Variants in MIIP observed in about 807,000 individuals in gnomAD.
The protein encoded by MIIP is migration and invasion-inhibitory protein.
Under a neutral mutation model 44.8 loss-of-function variants are expected in MIIP, and 44 were observed. The observed-to-expected ratio is 0.98, with a 90% CI of 0.77 to 1.26. The LOEUF (loss-of-function observed/expected upper bound fraction) is 1.26. Ranked by LOEUF, MIIP falls within the 50% of genes most tolerant of loss-of-function variation. The pLI is 0.00. For synonymous variants in MIIP, 225 were observed against 218.3 expected, an observed-to-expected ratio of 1.03 and a Z score of -0.27; for missense variants, 496 against 511.7, an observed-to-expected ratio of 0.97 and a Z score of 0.30.
intron 8 of MIIP, 64 bp from the exon 9 acceptor site, chr1:12,031,202 G>C: frequency 6.4e-7 from 1 of 1,551,904 alleles, no homozygotes; most frequent in African/African-American, 1.4e-5. Flanking sequence ...CCCTGATGGG[G>C]GTGTGCCCAG....
At chr1:12,021,126 A>G (rs897300350) in intron 1 of MIIP, among the ~76,000 whole-genome samples, 23 of 152,116 alleles carry the variant, frequency 1.5e-4, no homozygotes, top group African/African-American at 5.3e-4. Context: ...CAGGCACTGT[A>G]GCTCATGCCT....
chr1:12,030,556 C>CTTTTT (rs71568383), intron 8 of MIIP, among the ~76,000 whole-genome samples: 7 of 59,074 alleles, frequency 1.2e-4, no homozygotes, highest in East Asian at 5.3e-4. Context: ...GCTGCTGCTG[C>CTTTTT]TTTTTTTTTT....
chr1:12,022,845 TTC>T lies in MIIP; in HGVS notation c.479_480del (p.Ser160Ter). On this transcript the variant is annotated frameshift_variant, in exon 4 of 10. Coordinates refer to ENST00000235332, the MANE Select transcript of MIIP (RefSeq NM_021933.4). LOFTEE classifies it high-confidence loss of function. ...CTTCCTTCCTCAGCCCAGGGTGACC[TTC>T]TCTGAGGAGTCTGCAGTTCCTAAGA... ...QSKLSKPRVT[F>X]SEESAVPKRS... 6.2e-7 allele frequency: 1 copy of T among 1,605,634 alleles called. No individual in the cohort carries two copies. Among genetic ancestry groups the T allele is most frequent in the Non-Finnish European group, 8.5e-7 (1 of 1,175,618 alleles).
intron 4 of MIIP, among the ~76,000 whole-genome samples, chr1:12,028,369 C>T (rs1317669787): frequency 1.3e-5 from 2 of 152,206 alleles, no homozygotes; most frequent in Non-Finnish European, 2.9e-5. Flanking sequence ...TTGTGTCCCT[C>T]CCATTCCCCA....
In MIIP at chr1:12,029,564, G is replaced by A. The variant is rs2295286; in HGVS notation, c.716-201G>A. The A allele has an allele frequency of 2.1e-3, 1,573 of 759,178 alleles. 36 individuals are homozygous for A. The East Asian group carries it at 0.035, about 17-fold the overall frequency. The allele number at this position is 759,178 out of a possible 1,614,324, so 47.0% of individuals were successfully genotyped here. Reference sequence around the variant, plus strand: ...GTGGGACTCCATCCCAGCTCCTGAGGGCCCCAGGAGGATGTCCCTCCCCAC... The same window carrying A: ...GTGGGACTCCATCCCAGCTCCTGAGAGCCCCAGGAGGATGTCCCTCCCCAC... On this transcript the variant is annotated intron_variant, in intron 6 of 9. Transcript: ENST00000235332.
At chr1:12,028,915 G>A (rs1640161564) in intron 4 of MIIP, 118 bp from the exon 5 acceptor site, 1 of 767,708 alleles carries the variant, frequency 1.3e-6, no homozygotes, top group East Asian at 2.6e-5. Context: ...GGCACAGTAG[G>A]GATGAAGCAG....
rs911948814 is a variant in MIIP, at chr1:12,030,351, A to G, written c.942+227A>G. Among the ~76,000 whole-genome samples the G allele has an allele frequency of 3.9e-5, 6 of 152,082 alleles. No homozygotes were observed. The East Asian group carries it at 1.2e-3, about 29-fold the overall frequency. On this transcript the variant is annotated intron_variant, in intron 8 of 9. Coordinates refer to ENST00000235332, the MANE Select transcript of MIIP (RefSeq NM_021933.4). ...CAGGGTGATCTGCCTGCAGGCTGGC[A>G]TGACATGAATGGGTCCTGTTTATTG...
At chr1:12,025,639 C>A (rs544783261) in intron 4 of MIIP, among the ~76,000 whole-genome samples, 4 of 152,290 alleles carry the variant, frequency 2.6e-5, no homozygotes, top group Admixed American at 2.0e-4. Context: ...TCTAGACTTA[C>A]GAGGCATGAT....
intron 9 of MIIP, 105 bp downstream of exon 9, chr1:12,031,508 G>A (rs1640242498): frequency 1.9e-6 from 3 of 1,560,580 alleles, no homozygotes; most frequent in Admixed American, 1.8e-5. Context: ...GATTGAGGTG[G>A]GGAGGATGGA....
At position 12,030,020 on chromosome 1, in the gene MIIP, C is replaced by T; in HGVS notation, c.846-8C>T. ...TCCTCAGGGGTCCCCCACTGCCCCC[C>T]TGCGCAGGGTGAGCATCCCGCTGTC... On this transcript the variant is annotated splice_region_variant and splice_polypyrimidine_tract_variant and intron_variant, in intron 7 of 9. Transcript: ENST00000235332. 1.2e-6 allele frequency: 2 copies of T among 1,613,226 alleles called. No homozygotes were observed. The highest frequency in any genetic ancestry group is 1.7e-6 in the Non-Finnish European group (2 of 1,179,690).
At chr1:12,025,040 G>GTTGTT (rs1640074475) in intron 4 of MIIP, among the ~76,000 whole-genome samples, 2 of 138,842 alleles carry the variant, frequency 1.4e-5, no homozygotes, top group African/African-American at 2.8e-5. Context: ...TTTTTTTTTT[G>GTTGTT]TTTTTTGTTT....
At chr1:12,023,434 C>T (rs1302639729) in intron 4 of MIIP, among the ~76,000 whole-genome samples, 3 of 119,652 alleles carry the variant, frequency 2.5e-5, no homozygotes, top group Non-Finnish European at 5.8e-5. Flanking sequence ...GATAGTCTCT[C>T]GCTCTGTCGC....
At position 12,021,816 on chromosome 1, in the gene MIIP, G is replaced by A. The variant is rs780052349; in HGVS notation, c.90G>A (p.Arg30=). 6.2e-7 allele frequency: 1 copy of A among 1,611,182 alleles called. No individual in the cohort carries two copies. The highest frequency in any genetic ancestry group is 2.2e-5 in the East Asian group (1 of 44,872). ...GGGTGGGGCAGGATGCTGTGCGGCGGTCAGTGGCCAGGGCAGCCTCGGAGG... is the reference window on the plus strand; with the variant it reads ...GGGTGGGGCAGGATGCTGTGCGGCGATCAGTGGCCAGGGCAGCCTCGGAGG... ...QLWVGQDAVR[R]SVARAASESS... Residue 30 remains arginine, a synonymous_variant, in exon 2 of 10, where the codon CGG becomes CGA. Transcript: ENST00000235332.
At chr1:12,029,735 G>A in intron 6 of MIIP, 30 bp from the exon 7 acceptor site, 1 of 1,595,646 alleles carries the variant, frequency 6.3e-7, no homozygotes, top group Non-Finnish European at 8.6e-7. Flanking sequence ...CTGGCTCAGG[G>A]AGAGCTGTGG....
intron 6 of MIIP, 148 bp downstream of exon 6, chr1:12,029,429 A>G: frequency 1.1e-6 from 1 of 942,562 alleles, no homozygotes. Flanking sequence ...TGCAGTCTGG[A>G]CAGGGTGGCC....
rs1185753300 is a variant in MIIP at position 12,031,389 on chromosome 1, AG to A, written c.1067del (p.Ser356ThrfsTer36). ...GCACCAGAAGCTGTCCGGCACCAGCAGCCCTTTTCACCCGGTACGGTCCAGA... is the reference window on the plus strand; with the variant it reads ...GCACCAGAAGCTGTCCGGCACCAGCACCCTTTTCACCCGGTACGGTCCAGA... ...AQHQKLSGTS[S>X]PFHPASPMQM... On this transcript the variant is annotated frameshift_variant, in exon 9 of 10. Transcript: ENST00000235332. LOFTEE classifies it low-confidence loss of function (END_TRUNC). 3.7e-6 allele frequency: 6 copies of A among 1,613,754 alleles called. No individual in the cohort carries two copies. The highest frequency in any genetic ancestry group is 5.1e-6 in the Non-Finnish European group (6 of 1,179,888).
intron 4 of MIIP, 71 bp from the exon 5 acceptor site, chr1:12,028,962 C>A: frequency 7.6e-7 from 1 of 1,309,612 alleles, no homozygotes; most frequent in Non-Finnish European, 1.1e-6. Flanking sequence ...TCTCTCCAAG[C>A]CTTGGCCGGT....
chr1:12,029,520 C>A, intron 6 of MIIP: 3 of 685,362 alleles, frequency 4.4e-6, no homozygotes, highest in Non-Finnish European at 7.3e-6. Context: ...CCACCCTCCC[C>A]AGCAGTGCCC....
Position 12,022,892 on chromosome 1 carries a change from A to C in MIIP, c.522A>C (p.Pro174=). Residue 174 remains proline (P), a synonymous_variant, in exon 4 of 10, where the codon CCA becomes CCC. Coordinates refer to ENST00000235332, the MANE Select transcript of MIIP (RefSeq NM_021933.4). ...AVPKRSWRLR[P]YLGYDWIAGS... is the part of the protein sequence containing the mutation. ...CTAAGAGGAGCTGGCGCCTCAGGCCATACCTGGGCTATGACTGGATTGCAG... is the reference window on the plus strand; with the variant it reads ...CTAAGAGGAGCTGGCGCCTCAGGCCCTACCTGGGCTATGACTGGATTGCAG... 6.2e-7 allele frequency: 1 copy of C among 1,610,458 alleles called. No individual in the cohort carries two copies. Among genetic ancestry groups the C allele is most frequent in the Non-Finnish European group, 8.5e-7 (1 of 1,178,272 alleles).
Sources: allele counts gnomAD v4.1 joint callset (sites outside exome capture counted in the v4.1 genomes callset), GRCh38; gene constraint gnomAD v4.1.1; transcripts MANE v1.5; gene names NCBI Gene and HGNC (gene_info 2026-07-23, HGNC 2026-07-21).